Variants in PRKG1 observed in about 807,000 individuals in gnomAD.
PRKG1 encodes the protein protein kinase cGMP-dependent 1.
Under a neutral mutation model 88.1 loss-of-function variants are expected in PRKG1, and 35 were observed. The observed-to-expected ratio is 0.40, with a 90% confidence interval of 0.30 to 0.53. PRKG1 has a LOEUF of 0.53. PRKG1 is among the 20% of genes least tolerant of loss of function. The pLI is 0.59. For synonymous variants in PRKG1, 303 were observed against 292.5 expected, an observed-to-expected ratio of 1.04 and a Z score of -0.37; for missense variants, 540 against 839.8, an observed-to-expected ratio of 0.64 and a Z score of 4.41.
At chr10:52,058,506 C>T (rs1021253060) in intron 6 of PRKG1, among the ~76,000 whole-genome samples, 2 of 151,972 alleles carry the variant, frequency 1.3e-5, no homozygotes, top group Admixed American at 6.6e-5. Context: ...AACATGCCTA[C>T]AGTTAACGTA....
chr10:51,300,132 C>T (rs937663755), intron 2 of PRKG1, among the ~76,000 whole-genome samples: 1 of 152,124 alleles, frequency 6.6e-6, no homozygotes, highest in South Asian at 2.1e-4. Flanking sequence ...AATTAAATGT[C>T]ACTATTTCGT....
intron 1 of PRKG1, among the ~76,000 whole-genome samples, chr10:51,107,997 A>G (rs187431020): frequency 6.6e-6 from 1 of 152,244 alleles, no homozygotes; most frequent in Non-Finnish European, 1.5e-5. Flanking sequence ...CATGAAATTT[A>G]CTTACGTGAA....
rs919987635 is a variant in PRKG1, at chr10:51,297,954, G to T, written c.478+144624G>T. ...AGAGTAGGTGTCCTTACCTACACTT[G>T]TTACTATAAGTGATATATTTATATA... On this transcript the variant is annotated intron_variant, in intron 2 of 17. Coordinates refer to ENST00000373980, the MANE Select transcript of PRKG1 (RefSeq NM_006258.4). Among the ~76,000 whole-genome samples the T allele has an allele frequency of 3.3e-5, 5 of 152,128 alleles. No homozygotes were observed. In the East Asian group the frequency reaches 9.7e-4, roughly 29 times the overall value.
chr10:51,338,849 A>G (rs1238373110), intron 2 of PRKG1, among the ~76,000 whole-genome samples: 1 of 152,130 alleles, frequency 6.6e-6, no homozygotes, highest in Non-Finnish European at 1.5e-5. Context: ...TTGTCAAATG[A>G]TTTTCACAGA....
chr10:52,182,843 T>C (rs942546879), intron 9 of PRKG1, among the ~76,000 whole-genome samples: 3 of 152,078 alleles, frequency 2.0e-5, no homozygotes, highest in African/African-American at 4.8e-5. Context: ...TGTAGCCTTG[T>C]AGTATAGTTT....
At chr10:52,150,517 A>G (rs941486825) in intron 8 of PRKG1, among the ~76,000 whole-genome samples, 1 of 152,162 alleles carries the variant, frequency 6.6e-6, no homozygotes, top group Admixed American at 6.6e-5. Context: ...TGAAATTTTT[A>G]TATTGCTAAG....
intron 2 of PRKG1, among the ~76,000 whole-genome samples, chr10:51,450,363 G>A (rs1425718970): frequency 6.6e-6 from 1 of 151,720 alleles, no homozygotes; most frequent in Non-Finnish European, 1.5e-5. Context: ...TTTATAATTG[G>A]ATTTGTGCTG....
intron 1 of PRKG1, among the ~76,000 whole-genome samples, chr10:51,065,303 TTATAAGCC>T (rs1843736102): frequency 1.3e-5 from 2 of 152,042 alleles, no homozygotes; most frequent in South Asian, 4.1e-4. Flanking sequence ...AGACAACATA[TTATAAGCC>T]TAAGAGTAAG....
intron 10 of PRKG1, 122 bp from the exon 11 acceptor site, chr10:52,271,228 G>T (rs186532565): frequency 9.7e-7 from 1 of 1,031,744 alleles, no homozygotes; most frequent in Non-Finnish European, 1.4e-6. Flanking sequence ...GATTTACTGT[G>T]TTTTGACTTG....
At chr10:51,908,599 A>G (rs981082367) in intron 5 of PRKG1, 1 of 151,968 alleles carries the variant, frequency 6.6e-6, no homozygotes, top group African/African-American at 2.4e-5. Flanking sequence ...GTGTTGAAAA[A>G]ATAAATAAAG....
intron 3 of PRKG1, among the ~76,000 whole-genome samples, chr10:51,685,076 CAT>C (rs969958340): frequency 1.1e-4 from 16 of 152,160 alleles, no homozygotes; most frequent in Admixed American, 6.6e-5. Flanking sequence ...CCAAAAATCA[CAT>C]GTTCTAGACC....
chr10:52,094,022 T>C (rs935322941), intron 7 of PRKG1, among the ~76,000 whole-genome samples: 2 of 152,162 alleles, frequency 1.3e-5, no homozygotes, highest in African/African-American at 4.8e-5. Context: ...TGGAGAGTTG[T>C]TATTTAGCAA....
chr10:51,198,509 C>G (rs1837831047), intron 2 of PRKG1, among the ~76,000 whole-genome samples: 1 of 152,144 alleles, frequency 6.6e-6, no homozygotes, highest in African/African-American at 2.4e-5. Flanking sequence ...TTTCTGAGCA[C>G]CAGTAGAAGA....
intron 2 of PRKG1, among the ~76,000 whole-genome samples, chr10:51,421,923 C>T (rs1456542267): frequency 6.6e-6 from 1 of 152,184 alleles, no homozygotes; most frequent in Non-Finnish European, 1.5e-5. Context: ...TCTTAGTTTT[C>T]CACATTTGTA....
chr10:52,203,694 C>T (rs1438935108), intron 9 of PRKG1, among the ~76,000 whole-genome samples: 2 of 152,202 alleles, frequency 1.3e-5, no homozygotes, highest in African/African-American at 4.8e-5. Flanking sequence ...TCTAGCTGCT[C>T]ATGCATTGGA....
chr10:51,724,432 A>G (rs191475111), intron 3 of PRKG1, among the ~76,000 whole-genome samples: 1 of 152,320 alleles, frequency 6.6e-6, no homozygotes, highest in East Asian at 1.9e-4. Flanking sequence ...CATTTTGGCC[A>G]ATGGATGGCA....
At chr10:51,871,297 C>T (rs1841151474) in intron 4 of PRKG1, among the ~76,000 whole-genome samples, 1 of 152,098 alleles carries the variant, frequency 6.6e-6, no homozygotes, top group African/African-American at 2.4e-5. Flanking sequence ...TTAATAATTT[C>T]ACTTGTGATT....
chr10:51,699,625 C>T, intron 3 of PRKG1: 1 of 1,501,268 alleles, frequency 6.7e-7, no homozygotes, highest in South Asian at 1.3e-5. Flanking sequence ...TTCCGCTGAG[C>T]AACGGAAGCG....
At chr10:51,699,608 C>T in intron 3 of PRKG1, 2 of 1,534,890 alleles carry the variant, frequency 1.3e-6, no homozygotes, top group East Asian at 2.3e-5. Context: ...CCTCTTGCGA[C>T]CGACACTTCC....
Sources: allele counts gnomAD v4.1 joint callset (sites outside exome capture counted in the v4.1 genomes callset), GRCh38; gene constraint gnomAD v4.1.1; transcripts MANE v1.5; gene names NCBI Gene and HGNC (gene_info 2026-07-23, HGNC 2026-07-21).